KIF18A: variants seen among roughly 807,000 people sequenced by gnomAD.
The protein encoded by KIF18A is kinesin-like protein KIF18A.
In KIF18A, 67 loss-of-function variants were observed where a neutral mutation model predicts 103.3. The ratio of observed to expected loss-of-function variants is 0.65; its 90% CI spans 0.53 to 0.79. KIF18A has a LOEUF of 0.79. Ranked by LOEUF, KIF18A falls within the 30% of genes least tolerant of loss-of-function variation. The pLI is 0.00. For synonymous variants in KIF18A, 367 were observed against 355.5 expected (o/e 1.03, Z -0.36); for missense variants, 1,032 against 1,062.5 (o/e 0.97, Z 0.40).
intron 15 of KIF18A, among the ~76,000 whole-genome samples, chr11:28,030,573 A>T (rs1049652797): frequency 1.3e-5 from 2 of 152,222 alleles, no homozygotes; most frequent in Non-Finnish European, 2.9e-5. Context: ...AAAACCATAA[A>T]AACCCCAGAA....
intron 13 of KIF18A, among the ~76,000 whole-genome samples, chr11:28,043,698 A>G (rs971112975): frequency 1.4e-4 from 22 of 151,842 alleles, no homozygotes; most frequent in Middle Eastern, 3.4e-3. Flanking sequence ...AAACAAAAAC[A>G]AAAACAAAAA....
At chr11:28,057,314 G>T (rs1850793774) in intron 13 of KIF18A, among the ~76,000 whole-genome samples, 1 of 152,080 alleles carries the variant, frequency 6.6e-6, no homozygotes, top group Non-Finnish European at 1.5e-5. Context: ...AGGAGATTGA[G>T]ACCATCCTGG....
At chr11:28,067,462 C>T (rs1049860552) in intron 11 of KIF18A, among the ~76,000 whole-genome samples, 4 of 152,074 alleles carry the variant, frequency 2.6e-5, no homozygotes, top group Non-Finnish European at 5.9e-5. Context: ...TCTCTCCAGT[C>T]ATGTCTGAGC....
chr11:28,081,786 A>G (rs1851168918), intron 9 of KIF18A, among the ~76,000 whole-genome samples: 1 of 152,142 alleles, frequency 6.6e-6, no homozygotes, highest in African/African-American at 2.4e-5. Context: ...TTCATGGATC[A>G]TGCTTCTCTG....
At chr11:28,024,073 T>C (rs1850281461) in intron 15 of KIF18A, among the ~76,000 whole-genome samples, 1 of 151,920 alleles carries the variant, frequency 6.6e-6, no homozygotes. Flanking sequence ...AATTGAATGT[T>C]ATGATTGTAG....
chr11:28,036,171 A>C, intron 14 of KIF18A, 46 bp downstream of exon 14: 1 of 1,254,192 alleles, frequency 8.0e-7, no homozygotes, highest in Non-Finnish European at 1.1e-6. Flanking sequence ...AATAGTTGAA[A>C]GTCTATGTTA....
intron 16 of KIF18A, among the ~76,000 whole-genome samples, chr11:28,022,206 T>C (rs1001328773): frequency 6.6e-6 from 1 of 152,138 alleles, no homozygotes; most frequent in Non-Finnish European, 1.5e-5. Flanking sequence ...ACATGAAATA[T>C]TTGATGAATT....
chr11:28,076,576 T>C (rs1246056446), intron 10 of KIF18A: 1 of 152,254 alleles, frequency 6.6e-6, no homozygotes. Flanking sequence ...TTCTCCAACA[T>C]TTCCAGATGT....
At chr11:28,074,785 G>T (rs1229980501) in intron 10 of KIF18A, among the ~76,000 whole-genome samples, 1 of 152,062 alleles carries the variant, frequency 6.6e-6, no homozygotes, top group Non-Finnish European at 1.5e-5. Context: ...CATGTTTGGG[G>T]TGGTAGTTTG....
chr11:28,039,063 A>C (rs942473329), intron 13 of KIF18A, among the ~76,000 whole-genome samples: 3 of 151,660 alleles, frequency 2.0e-5, no homozygotes, highest in African/African-American at 7.3e-5. Flanking sequence ...TGGCTCCACC[A>C]ACAGCTCACC....
chr11:28,070,088 G>A (rs189291431), intron 10 of KIF18A, among the ~76,000 whole-genome samples: 6 of 152,066 alleles, frequency 3.9e-5, no homozygotes, highest in African/African-American at 1.2e-4. Context: ...ACATCTTGAC[G>A]TCTCTGGGGT....
At chr11:28,065,097 A>G (rs2133533331) in intron 11 of KIF18A, among the ~76,000 whole-genome samples, 1 of 152,190 alleles carries the variant, frequency 6.6e-6, no homozygotes, top group East Asian at 1.9e-4. Context: ...CTGCATTAGG[A>G]TAGCAGCAGA....
chr11:28,046,214 A>G (rs200645907), intron 13 of KIF18A, among the ~76,000 whole-genome samples: 1 of 151,968 alleles, frequency 6.6e-6, no homozygotes, highest in Non-Finnish European at 1.5e-5. Context: ...CCAAAGGACT[A>G]TAAATCATGC....
In KIF18A at chr11:28,068,432, T is replaced by C. The variant is rs1461784384; in HGVS notation, c.1590+827A>G. ...TGCATATGTATCCCAGAACTTAAAG[T>C]TAAAAAAAAAAAAAAGGGAGCTCCA... On this transcript the variant is annotated intron_variant, in intron 11 of 16. Transcript: ENST00000263181. Among the ~76,000 whole-genome samples the C allele has an allele frequency of 3.8e-5, 5 of 130,940 alleles. No homozygotes were observed. In the Admixed American group the frequency reaches 4.1e-4, roughly 11 times the overall value. The allele number at this position is 130,940 out of a possible 152,430, so 85.9% of individuals were successfully genotyped here. A position where few individuals can be genotyped will look rare whatever the true frequency, so the allele number is the denominator to read the frequency against.
chr11:28,082,826 C>A, intron 9 of KIF18A, 30 bp downstream of exon 9: 1 of 1,339,220 alleles, frequency 7.5e-7, no homozygotes. Context: ...CAATAAATTC[C>A]TCAAAATTAG....
intron 10 of KIF18A, among the ~76,000 whole-genome samples, chr11:28,076,268 C>T (rs1851090067): frequency 6.6e-6 from 1 of 152,158 alleles, no homozygotes; most frequent in African/African-American, 2.4e-5. Context: ...CCTGCCCTGG[C>T]ACATCTAACA....
chr11:28,105,625 C>T (rs1036867862), intron 1 of KIF18A, among the ~76,000 whole-genome samples: 4 of 152,172 alleles, frequency 2.6e-5, no homozygotes, highest in African/African-American at 4.8e-5. Context: ...AACTCAGCTT[C>T]TGGTACCACT....
chr11:28,046,742 A>AG (rs1244800693), intron 13 of KIF18A, among the ~76,000 whole-genome samples: 3 of 150,250 alleles, frequency 2.0e-5, no homozygotes, highest in African/African-American at 7.3e-5. Flanking sequence ...ATTAAATGAA[A>AG]AAAAAAAAAA....
intron 6 of KIF18A, among the ~76,000 whole-genome samples, chr11:28,088,051 T>C (rs1851253791): frequency 6.6e-6 from 1 of 152,062 alleles, no homozygotes; most frequent in Admixed American, 6.6e-5. Flanking sequence ...CCTTATTAGG[T>C]GATTTCATGA....
Sources: allele counts gnomAD v4.1 joint callset (sites outside exome capture counted in the v4.1 genomes callset), GRCh38; gene constraint gnomAD v4.1.1; transcripts MANE v1.5; gene names NCBI Gene and HGNC (gene_info 2026-07-23, HGNC 2026-07-21).